The following MACROD1 variants were observed in gnomAD, a reference collection of about 807,000 sequenced individuals.
MACROD1 encodes mono-ADP ribosylhydrolase 1, also known as ADP-ribose glycohydrolase MACROD1.
Under a neutral mutation model 41.4 loss-of-function variants are expected in MACROD1, and 31 were observed. The ratio of observed to expected loss-of-function variants is 0.75; its 90% CI spans 0.56 to 1.01. The LOEUF is 1.01. Among genes scored for constraint, MACROD1 ranks in the 50% least tolerant of loss-of-function variants. MACROD1 has a pLI of 0.00. For synonymous variants in MACROD1, 252 were observed against 203.4 expected (o/e 1.24, Z -2.03); for missense variants, 473 against 460.0 (o/e 1.03, Z -0.26).
At chr11:64,147,432 C>T (rs1039617915) in intron 3 of MACROD1, among the ~76,000 whole-genome samples, 1 of 151,172 alleles carries the variant, frequency 6.6e-6, no homozygotes, top group African/African-American at 2.4e-5. Flanking sequence ...ACTCTGTTGC[C>T]CAGGCTGGAA....
At chr11:64,099,139 G>C (rs567825462) in intron 3 of MACROD1, among the ~76,000 whole-genome samples, 1 of 152,182 alleles carries the variant, frequency 6.6e-6, no homozygotes, top group Non-Finnish European at 1.5e-5. Flanking sequence ...GATTGCCACT[G>C]AGCTCACATG....
chr11:64,115,533 C>T (rs768183875), intron 3 of MACROD1, among the ~76,000 whole-genome samples: 22 of 152,324 alleles, frequency 1.4e-4, no homozygotes, highest in Non-Finnish European at 2.8e-4. Flanking sequence ...TCTGTTGACA[C>T]CTCATTCTTC....
At chr11:64,018,364 G>A (rs557797659) in intron 3 of MACROD1, among the ~76,000 whole-genome samples, 15 of 152,274 alleles carry the variant, frequency 9.9e-5, no homozygotes, top group African/African-American at 2.9e-4. Context: ...CTGGGCCCCC[G>A]TTCTGGCCCC....
At chr11:64,019,185 AGGCCGAGG>A (rs1202080163) in intron 3 of MACROD1, among the ~76,000 whole-genome samples, 1 of 152,182 alleles carries the variant, frequency 6.6e-6, no homozygotes, top group Non-Finnish European at 1.5e-5. Context: ...CCCCCACTGC[AGGCCGAGG>A]TGGCCCGGCC....
At chr11:64,086,751 G>A (rs1467232652) in intron 3 of MACROD1, among the ~76,000 whole-genome samples, 1 of 152,180 alleles carries the variant, frequency 6.6e-6, no homozygotes, top group Non-Finnish European at 1.5e-5. Context: ...CAGAGATGTA[G>A]ACACACCCAG....
At chr11:64,031,639 A>G (rs775100255) in intron 3 of MACROD1, among the ~76,000 whole-genome samples, 1 of 151,984 alleles carries the variant, frequency 6.6e-6, no homozygotes, top group Non-Finnish European at 1.5e-5. Flanking sequence ...CCACCATGCC[A>G]GCTAATTTTT....
chr11:64,077,973 T>TTCCCCTGCCTCCTC (rs1326457102), intron 3 of MACROD1, among the ~76,000 whole-genome samples: 2 of 150,072 alleles, frequency 1.3e-5, no homozygotes, highest in Non-Finnish European at 2.9e-5. Context: ...CTGGCCTCCT[T>TTCCCCTGCCTCCTC]TCCCCTGCCT....
chr11:64,047,767 GGTGCCT>G (rs555567063), intron 3 of MACROD1, among the ~76,000 whole-genome samples: 280 of 152,130 alleles, frequency 1.8e-3, no homozygotes, highest in African/African-American at 6.4e-3. Flanking sequence ...CATGGTGGCA[GGTGCCT>G]GTAATCCCAG....
At chr11:64,135,967 C>T (rs1000504815) in intron 3 of MACROD1, among the ~76,000 whole-genome samples, 16 of 152,372 alleles carry the variant, frequency 1.1e-4, no homozygotes, top group Non-Finnish European at 1.3e-4. Flanking sequence ...CTGCTGCAGC[C>T]AGCGCAGGGG....
At position 64,021,937 on chromosome 11, in the gene MACROD1, G is replaced by C. The variant is rs1283522294; in HGVS notation, c.518-6656C>G. ...TGCAAGGGAGTGGCAGGGGGCCGGG[G>C]GGGGGGGGGGGGGGTGTGAGGTGGC... is the stretch of plus-strand genomic sequence containing the variant. On this transcript the variant is annotated intron_variant, in intron 3 of 10. Transcript: ENST00000255681. Among the ~76,000 whole-genome samples the C allele has an allele frequency of 9.0e-3, 386 of 42,768 alleles. 47 individuals carry two copies. The highest frequency in any genetic ancestry group is 0.033 in the African/African-American group (359 of 10,888). The allele number at this position is 42,768 out of a possible 152,430, so 28.1% of individuals were successfully genotyped here.
intron 3 of MACROD1, among the ~76,000 whole-genome samples, chr11:64,063,414 C>T (rs954590680): frequency 1.3e-5 from 2 of 151,956 alleles, no homozygotes; most frequent in African/African-American, 4.8e-5. Context: ...GCCCAAGGAG[C>T]GATGGAGGGA....
chr11:64,164,741 C>T (rs1945810650), intron 1 of MACROD1, among the ~76,000 whole-genome samples: 1 of 152,228 alleles, frequency 6.6e-6, no homozygotes, highest in Admixed American at 6.5e-5. Context: ...AGCCCAGAGG[C>T]CACACCTACT....
rs1001218035 is a variant in MACROD1 at position 64,146,060 on chromosome 11, G to A, written c.517+5179C>T. On this transcript the variant is annotated intron_variant, in intron 3 of 10. Coordinates refer to ENST00000255681, the MANE Select transcript of MACROD1 (RefSeq NM_014067.4). This position sits in a 1 kb window ranked among gnomAD's most constrained non-coding sequence, Gnocchi z 4.7. Reference sequence around the variant, plus strand: ...GCTAGGATAACAGGCGTGAGCCACCGTGCCTGGCCAAGAATGGGGATCTTT... The same window carrying A: ...GCTAGGATAACAGGCGTGAGCCACCATGCCTGGCCAAGAATGGGGATCTTT... 4.0e-5 allele frequency among the ~76,000 whole-genome samples: 6 copies of A among 151,144 alleles called. No homozygotes were observed. Among genetic ancestry groups the A allele is most frequent in the South Asian group, 2.1e-4 (1 of 4,772 alleles).
chr11:64,004,941 G>A (rs967994319), intron 4 of MACROD1, among the ~76,000 whole-genome samples: 1 of 152,118 alleles, frequency 6.6e-6, no homozygotes, highest in Admixed American at 6.6e-5. Context: ...GTGTCAAGGG[G>A]GATGGGAGAC....
chr11:64,046,415 G>A (rs1411361855), intron 3 of MACROD1, among the ~76,000 whole-genome samples: 11 of 152,172 alleles, frequency 7.2e-5, no homozygotes, highest in Non-Finnish European at 5.9e-5. Context: ...CCTGTGCTGG[G>A]GTGCGAGGCT....
intron 3 of MACROD1, chr11:64,116,245 C>A: frequency 6.3e-7 from 1 of 1,580,792 alleles, no homozygotes; most frequent in Non-Finnish European, 8.6e-7. Context: ...CCAGGTGGGG[C>A]CGGACGCCCC....
chr11:64,162,651 A>G (rs1490205769), intron 1 of MACROD1, among the ~76,000 whole-genome samples: 2 of 150,528 alleles, frequency 1.3e-5, no homozygotes, highest in East Asian at 2.0e-4. Context: ...TGTCTCTACT[A>G]AAGAATACAA....
chr11:64,129,379 G>A (rs886387619), intron 3 of MACROD1, among the ~76,000 whole-genome samples: 1 of 152,250 alleles, frequency 6.6e-6, no homozygotes. Context: ...GGACGACACA[G>A]GTAATGCCAC....
At chr11:64,029,665 C>T (rs1274448701) in intron 3 of MACROD1, among the ~76,000 whole-genome samples, 1 of 152,054 alleles carries the variant, frequency 6.6e-6, no homozygotes, top group African/African-American at 2.4e-5. Flanking sequence ...CCACCCCCCT[C>T]TCGGACCCAT....
Sources: gnomAD v4.1 joint callset for allele counts (sites outside exome capture counted in the v4.1 genomes callset) on GRCh38, gnomAD v4.1.1 for gene constraint, Gnocchi (gnomAD v3.1) non-coding constraint, MANE v1.5 for transcripts, NCBI Gene and HGNC (gene_info 2026-07-23, HGNC 2026-07-21) for gene names.